Variants in SYNPR observed in about 807,000 individuals in gnomAD.
SYNPR encodes the protein synaptoporin.
SYNPR carries 23 observed loss-of-function variants against 32.9 expected under a neutral mutation model. That is an observed-to-expected ratio of 0.70 (90% CI 0.50 to 0.99). The LOEUF (loss-of-function observed/expected upper bound fraction) is 0.99, where lower values mean the gene tolerates loss of function less well. Ranked by LOEUF, SYNPR falls within the 50% of genes least tolerant of loss-of-function variation. The pLI is 0.00. For synonymous variants in SYNPR, 146 were observed against 135.9 expected, an observed-to-expected ratio of 1.07 and a Z score of -0.52; for missense variants, 318 against 349.3, an observed-to-expected ratio of 0.91 and a Z score of 0.71.
At chr3:63,527,294 G>T (rs1356121435) in intron 3 of SYNPR, among the ~76,000 whole-genome samples, 2 of 152,082 alleles carry the variant, frequency 1.3e-5, no homozygotes, top group African/African-American at 4.8e-5. Context: ...CATTTCTGAT[G>T]ATAGTGTCCA....
chr3:63,601,948 A>G (rs1023974413), intron 4 of SYNPR, among the ~76,000 whole-genome samples: 1 of 152,206 alleles, frequency 6.6e-6, no homozygotes, highest in African/African-American at 2.4e-5. Flanking sequence ...CGCTCCTACC[A>G]ACAGTGTATT....
chr3:63,367,319 T>A (rs1179955901), intron 2 of SYNPR, among the ~76,000 whole-genome samples: 1 of 150,136 alleles, frequency 6.7e-6, no homozygotes, highest in African/African-American at 2.5e-5. Flanking sequence ...GTTTGGAAAA[T>A]ATCCTCTAAG....
At chr3:63,253,001 T>G (rs1400667405) in intron 2 of SYNPR, among the ~76,000 whole-genome samples, 1 of 147,390 alleles carries the variant, frequency 6.8e-6, no homozygotes, top group Non-Finnish European at 1.5e-5. Flanking sequence ...ATTATGTGAC[T>G]GCACTCCAGC....
At chr3:63,266,577 C>T (rs993050376) in intron 2 of SYNPR, among the ~76,000 whole-genome samples, 1 of 151,642 alleles carries the variant, frequency 6.6e-6, no homozygotes, top group African/African-American at 2.4e-5. Flanking sequence ...CTTTGTGGTG[C>T]GTGCCTGTAA....
intron 2 of SYNPR, among the ~76,000 whole-genome samples, chr3:63,362,896 GA>G (rs1195513739): frequency 6.6e-6 from 1 of 152,044 alleles, no homozygotes; most frequent in Admixed American, 6.6e-5. Flanking sequence ...CATATAATAA[GA>G]AAAAATTTCA....
intron 2 of SYNPR, among the ~76,000 whole-genome samples, chr3:63,290,193 G>A (rs2086725393): frequency 6.6e-6 from 1 of 151,772 alleles, no homozygotes; most frequent in African/African-American, 2.4e-5. Flanking sequence ...CCCACTACTT[G>A]CCTAAAGTCA....
chr3:63,507,629 A>G (rs1192942187), intron 3 of SYNPR, among the ~76,000 whole-genome samples: 2 of 152,154 alleles, frequency 1.3e-5, no homozygotes, highest in Admixed American at 1.3e-4. Flanking sequence ...AGATTCTGGA[A>G]TGGAGAAAGG....
intron 2 of SYNPR, among the ~76,000 whole-genome samples, chr3:63,411,136 A>G (rs2088459706): frequency 1.3e-5 from 2 of 152,182 alleles, no homozygotes; most frequent in South Asian, 2.1e-4. Context: ...CTGAATCAGA[A>G]AAGTTTCAAG....
At chr3:63,471,492 A>G (rs910861450) in intron 2 of SYNPR, among the ~76,000 whole-genome samples, 1 of 152,192 alleles carries the variant, frequency 6.6e-6, no homozygotes, top group Non-Finnish European at 1.5e-5. Context: ...TTAGAAAAAT[A>G]CGATTATCAG....
intron 2 of SYNPR, among the ~76,000 whole-genome samples, chr3:63,344,517 T>C (rs527811209): frequency 8.2e-4 from 124 of 151,402 alleles, no homozygotes; most frequent in Non-Finnish European, 1.4e-3. Context: ...TGTATTAAAA[T>C]CCCTGTGAGA....
rs751996846 is a variant in SYNPR, at chr3:63,411,700, A to G, written c.85-69132A>G. On this transcript the variant is annotated intron_variant, in intron 2 of 5. Coordinates refer to ENST00000478300, the MANE Select transcript of SYNPR (RefSeq NM_001130003.2). ...CCTAGAGACAGAGTAAACATGGCACATTTGAAGAACTGCAAAGCTGATGAA... is the reference window on the plus strand; with the variant it reads ...CCTAGAGACAGAGTAAACATGGCACGTTTGAAGAACTGCAAAGCTGATGAA... 1.6e-4 allele frequency among the ~76,000 whole-genome samples: 25 copies of G among 152,244 alleles called. 1 individual carries two copies. The highest frequency in any genetic ancestry group is 6.8e-3 in the Middle Eastern group (2 of 294).
chr3:63,361,540 G>A lies in SYNPR; in HGVS notation c.84+82798G>A, dbSNP rs188765781. Among the ~76,000 whole-genome samples, 471 of 149,416 alleles carry A rather than the reference G, an allele frequency of 3.2e-3. 2 individuals are homozygous for A. The highest frequency in any genetic ancestry group is 5.1e-3 in the Non-Finnish European group (342 of 67,662). On this transcript the variant is annotated intron_variant, in intron 2 of 5. Transcript: ENST00000478300. ...GTGAACCCGGGAGGCGGAGCTTGCA[G>A]TGAGCAGAGATTGCACCACTGCGCT...
chr3:63,252,202 G>C (rs1441900109), intron 1 of SYNPR, among the ~76,000 whole-genome samples: 1 of 152,100 alleles, frequency 6.6e-6, no homozygotes, highest in Non-Finnish European at 1.5e-5. Flanking sequence ...AATGTTTCAA[G>C]GATATGAATG....
At chr3:63,471,282 C>G (rs1186355322) in intron 2 of SYNPR, among the ~76,000 whole-genome samples, 1 of 152,166 alleles carries the variant, frequency 6.6e-6, no homozygotes, top group African/African-American at 2.4e-5. Context: ...TGGAGGAAAG[C>G]CTTTTAACAA....
At chr3:63,515,600 T>C (rs530353867) in intron 3 of SYNPR, among the ~76,000 whole-genome samples, 132 of 152,216 alleles carry the variant, frequency 8.7e-4, no homozygotes, top group African/African-American at 2.9e-3. Flanking sequence ...GAAATTGGGG[T>C]ATATTCATGT....
Position 63,398,725 on chromosome 3 carries a change from G to GA in SYNPR, c.85-82095dup, listed in dbSNP as rs10708164. ...CAGAGCGAGACTCCGTCTCAAAAAA[G>GA]AAAAAAAAAAAAGTGTACTTTCAGA... On this transcript the variant is annotated intron_variant, in intron 2 of 5. Coordinates refer to ENST00000478300, the MANE Select transcript of SYNPR (RefSeq NM_001130003.2). Among the ~76,000 whole-genome samples, 47 of 144,362 alleles carry GA rather than the reference G, an allele frequency of 3.3e-4. 1 individual carries two copies. Among genetic ancestry groups the GA allele is most frequent in the East Asian group, 1.1e-3 (5 of 4,760 alleles). The allele number at this position is 144,362 out of a possible 152,430, so 94.7% of individuals were successfully genotyped here.
chr3:63,326,524 T>C (rs1039769181), intron 2 of SYNPR, among the ~76,000 whole-genome samples: 1 of 152,140 alleles, frequency 6.6e-6, no homozygotes, highest in Non-Finnish European at 1.5e-5. Context: ...GCAATGGGCA[T>C]CACCATTCCT....
At chr3:63,446,029 C>T (rs1700271323) in intron 2 of SYNPR, among the ~76,000 whole-genome samples, 1 of 152,102 alleles carries the variant, frequency 6.6e-6, no homozygotes, top group South Asian at 2.1e-4. Context: ...AATGAGCCCA[C>T]CTAGGGTAAA....
intron 2 of SYNPR, among the ~76,000 whole-genome samples, chr3:63,454,680 C>T (rs182219585): frequency 1.3e-5 from 2 of 152,160 alleles, no homozygotes; most frequent in Non-Finnish European, 2.9e-5. Context: ...CACAGGATCT[C>T]TACTTATTTG....
Sources: allele counts gnomAD v4.1 joint callset (sites outside exome capture counted in the v4.1 genomes callset), GRCh38; gene constraint gnomAD v4.1.1; transcripts MANE v1.5; gene names NCBI Gene and HGNC (gene_info 2026-07-23, HGNC 2026-07-21).